Variants in NRXN3 observed in about 807,000 individuals in gnomAD.
The protein encoded by NRXN3 is neurexin III.
A neutral mutation model predicts 137.6 loss-of-function variants in NRXN3; 32 were observed. That is an observed-to-expected ratio of 0.23 (90% confidence interval 0.18 to 0.31). The LOEUF is 0.31. Among genes scored for constraint, NRXN3 ranks in the 10% least tolerant of loss-of-function variants. The pLI is 1.00. For synonymous variants in NRXN3, 798 were observed against 784.5 expected (o/e 1.02, Z -0.29); for missense variants, 1,574 against 2,062.5 (o/e 0.76, Z 4.59).
At chr14:79,356,959 C>T (rs2093445775) in intron 15 of NRXN3, among the ~76,000 whole-genome samples, 1 of 152,162 alleles carries the variant, frequency 6.6e-6, no homozygotes. Context: ...AACTCCTCAC[C>T]TCAAGTGATC....
At chr14:79,361,996 A>AATTATTATTATTATTATT (rs3036671) in intron 15 of NRXN3, among the ~76,000 whole-genome samples, 4 of 142,120 alleles carry the variant, frequency 2.8e-5, no homozygotes, top group Admixed American at 7.1e-5. Flanking sequence ...CTACTTTTAT[A>AATTATTATTATTATTATT]ATTATTATTA....
Position 79,358,771 on chromosome 14 carries a change from C to T in NRXN3, c.3263-108450C>T, listed in dbSNP as rs562325341. On this transcript the variant is annotated intron_variant, in intron 15 of 20. Coordinates refer to ENST00000335750, the MANE Select transcript of NRXN3 (RefSeq NM_001330195.2). ...CTCCTCCCAAAGCCCTCCCCCTATT[C>T]TCCTTGAGGAACTGTTTGACCGTCA... Among the ~76,000 whole-genome samples, 105 of 152,216 alleles carry T rather than the reference C, an allele frequency of 6.9e-4. 2 individuals are homozygous for T. In the South Asian group the frequency reaches 0.021, roughly 30 times the overall value.
At chr14:78,367,613 A>C (rs777539443) in intron 4 of NRXN3, among the ~76,000 whole-genome samples, 12 of 152,232 alleles carry the variant, frequency 7.9e-5, no homozygotes, top group Non-Finnish European at 1.8e-4. Flanking sequence ...ACCACAGGAT[A>C]GAGGATTTTG....
rs113092216 is a variant in NRXN3, at chr14:79,739,764, C to T, written c.4014+41827C>T. 3.8e-3 allele frequency among the ~76,000 whole-genome samples: 582 copies of T among 151,352 alleles called. 2 individuals carry two copies. Among genetic ancestry groups the T allele is most frequent in the African/African-American group, 0.013 (519 of 41,226 alleles). ...ATGCTGTTGAGGTCATCACCAGCTA[C>T]GGGAAAGGGCATTCTCATAGGGGCA... On this transcript the variant is annotated intron_variant, in intron 19 of 20. Coordinates refer to ENST00000335750, the MANE Select transcript of NRXN3 (RefSeq NM_001330195.2).
intron 4 of NRXN3, among the ~76,000 whole-genome samples, chr14:78,358,229 A>T (rs559742541): frequency 3.8e-4 from 58 of 152,280 alleles, no homozygotes; most frequent in African/African-American, 1.3e-3. Flanking sequence ...CTAGGCTAAC[A>T]TTTACTGAGT....
At chr14:78,280,825 A>G (rs959363752) in intron 3 of NRXN3, among the ~76,000 whole-genome samples, 3 of 152,168 alleles carry the variant, frequency 2.0e-5, no homozygotes, top group African/African-American at 4.8e-5. Context: ...TTCCTCAGAT[A>G]ACAGCAACTA....
chr14:78,615,788 A>G (rs539131145), intron 4 of NRXN3, among the ~76,000 whole-genome samples: 1 of 152,128 alleles, frequency 6.6e-6, no homozygotes, highest in African/African-American at 2.4e-5. Flanking sequence ...AAAAAACAAA[A>G]CAATTAGTTG....
At chr14:79,460,194 A>G (rs183230341) in intron 15 of NRXN3, among the ~76,000 whole-genome samples, 5 of 152,260 alleles carry the variant, frequency 3.3e-5, no homozygotes, top group African/African-American at 1.2e-4. Context: ...GAACATCGCA[A>G]TAGTTGGCAT....
chr14:79,760,333 AAT>A (rs1270369136), intron 19 of NRXN3, among the ~76,000 whole-genome samples: 1 of 151,500 alleles, frequency 6.6e-6, no homozygotes, highest in Non-Finnish European at 1.5e-5. Flanking sequence ...TCCTAATACA[AAT>A]ATCAGTTATA....
intron 15 of NRXN3, among the ~76,000 whole-genome samples, chr14:79,083,390 A>G (rs1259306397): frequency 3.3e-5 from 5 of 152,230 alleles, no homozygotes; most frequent in Non-Finnish European, 1.5e-5. Context: ...CAAAGGTCAG[A>G]TGAAAACACT....
At chr14:79,442,508 T>C (rs1481343134) in intron 15 of NRXN3, among the ~76,000 whole-genome samples, 1 of 152,220 alleles carries the variant, frequency 6.6e-6, no homozygotes, top group African/African-American at 2.4e-5. Flanking sequence ...CAAAAACTTT[T>C]GCTATAACCT....
intron 15 of NRXN3, among the ~76,000 whole-genome samples, chr14:79,077,135 C>T (rs2046110604): frequency 6.6e-6 from 1 of 152,152 alleles, no homozygotes; most frequent in South Asian, 2.1e-4. Flanking sequence ...CTAGAATTAC[C>T]TTGGTGGAAT....
intron 19 of NRXN3, among the ~76,000 whole-genome samples, chr14:79,742,731 G>C (rs1330292993): frequency 9.2e-5 from 14 of 152,154 alleles, no homozygotes; most frequent in South Asian, 2.1e-4. Flanking sequence ...CAATGCAGCA[G>C]AGCCTATATT....
At position 78,384,113 on chromosome 14, in the gene NRXN3, A is replaced by G. The variant is rs1230248553; in HGVS notation, c.757+86253A>G. ...GACAGAATTACTGGGAACCCAGAGGAGCAGGTGTTGAAAACAGGTAGGAAC... is the reference window on the plus strand; with the variant it reads ...GACAGAATTACTGGGAACCCAGAGGGGCAGGTGTTGAAAACAGGTAGGAAC... On this transcript the variant is annotated intron_variant, in intron 4 of 20. Transcript: ENST00000335750. Among the ~76,000 whole-genome samples the G allele has an allele frequency of 3.9e-5, 6 of 152,208 alleles. No homozygotes were observed. The East Asian group carries it at 1.2e-3, about 29-fold the overall frequency.
At chr14:79,292,371 T>C (rs563904658) in intron 15 of NRXN3, among the ~76,000 whole-genome samples, 8 of 152,200 alleles carry the variant, frequency 5.3e-5, no homozygotes, top group Non-Finnish European at 8.8e-5. Context: ...TAATTCACTC[T>C]AAGAATCCGT....
At chr14:78,514,193 G>C (rs888684522) in intron 4 of NRXN3, among the ~76,000 whole-genome samples, 1 of 152,070 alleles carries the variant, frequency 6.6e-6, no homozygotes, top group Non-Finnish European at 1.5e-5. Flanking sequence ...TTCCAAGACC[G>C]CAATGAAAGA....
chr14:78,917,987 T>TAAAAAAAAAA (rs1567699023), intron 10 of NRXN3, among the ~76,000 whole-genome samples: 1 of 76,484 alleles, frequency 1.3e-5, no homozygotes, highest in African/African-American at 5.7e-5. Context: ...AATAAAAAAA[T>TAAAAAAAAAA]GAAAAAAAAA....
chr14:79,615,014 C>T (rs558626342), intron 16 of NRXN3, among the ~76,000 whole-genome samples: 2 of 152,166 alleles, frequency 1.3e-5, no homozygotes, highest in Non-Finnish European at 2.9e-5. Flanking sequence ...CTGAGTCCCA[C>T]AGTGCCTCAC....
At chr14:79,518,656 A>C (rs1009697361) in intron 16 of NRXN3, among the ~76,000 whole-genome samples, 96 of 152,142 alleles carry the variant, frequency 6.3e-4, no homozygotes, top group African/African-American at 2.2e-3. Context: ...TCATCTAAAC[A>C]TAATTTTATC....
Sources: gnomAD v4.1 joint callset for allele counts (sites outside exome capture counted in the v4.1 genomes callset) on GRCh38, gnomAD v4.1.1 for gene constraint, MANE v1.5 for transcripts, NCBI Gene and HGNC (gene_info 2026-07-23, HGNC 2026-07-21) for gene names.